Variants in AAMP observed in about 807,000 individuals in gnomAD.
The protein encoded by AAMP is angio associated migratory cell protein.
A neutral mutation model predicts 51.1 loss-of-function variants in AAMP; 12 were observed. That is an observed-to-expected ratio of 0.23 (90% CI 0.15 to 0.38). The LOEUF (loss-of-function observed/expected upper bound fraction) is 0.38, where lower values mean the gene tolerates loss of function less well. Ranked by LOEUF, AAMP falls within the 10% of genes least tolerant of loss-of-function variation. The pLI, the probability that AAMP is intolerant of heterozygous loss-of-function variation, is 1.00. For missense variants in AAMP, 418 were observed against 557.2 expected, an observed-to-expected ratio of 0.75 and a Z score of 2.52; for synonymous variants, 210 against 218.7, an observed-to-expected ratio of 0.96 and a Z score of 0.35.
chr2:218,265,746 T>C lies in AAMP; in HGVS notation c.880-64A>G. 10 of 1,577,764 alleles carry C rather than the reference T, an allele frequency of 6.3e-6. No homozygotes were observed. The highest frequency in any genetic ancestry group is 7.0e-6 in the Non-Finnish European group (8 of 1,150,496). ...GGGTGCTTGATGGAGAGAAAGACGG[T>C]GGGGAGAGGAGACAGTGAAGACCCA... is the stretch of plus-strand genomic sequence containing the variant. On this transcript the variant is annotated intron_variant, in intron 7 of 10. Transcript: ENST00000248450. The surrounding 1 kb of genome is among the most constrained non-coding windows in gnomAD (Gnocchi z 6.6).
At position 218,266,490 on chromosome 2, in the gene AAMP, A is replaced by C. The variant is rs1262411187; in HGVS notation, c.632T>G (p.Phe211Cys). ...GGTGGCTGGGCAGTTGGGACCCTGG[A>C]AGGTCTTGCAGTCACCATTCGGGAC... is the stretch of plus-strand genomic sequence containing the variant. ...WKVPNGDCKT[F>C]QGPNCPATCG... is the part of the protein sequence containing the mutation. Residue 211 changes from phenylalanine to cysteine, a missense_variant, in exon 5 of 11, where the codon TTC (phenylalanine) becomes TGC (cysteine). By Grantham distance (205) the Phe-to-Cys change is radical. Transcript: ENST00000248450. The surrounding 1 kb of genome is among the most constrained non-coding windows in gnomAD (Gnocchi z 4.7). 27 of 1,613,922 alleles carry C rather than the reference A, an allele frequency of 1.7e-5. No homozygotes were observed. The highest frequency in any genetic ancestry group is 2.0e-5 in the Non-Finnish European group (24 of 1,180,008).
rs1264146832 is a variant in AAMP, at chr2:218,265,302, C to T, written c.1074+69G>A. 4 of 1,534,970 alleles carry T rather than the reference C, an allele frequency of 2.6e-6. No individual in the cohort carries two copies. The Admixed American group carries it at 5.9e-5, about 22-fold the overall frequency. On this transcript the variant is annotated intron_variant, in intron 9 of 10. Coordinates refer to ENST00000248450, the MANE Select transcript of AAMP (RefSeq NM_001087.5). This position sits in a 1 kb window ranked among gnomAD's most constrained non-coding sequence, Gnocchi z 6.6. ...AGGAGCCAGATCTGGGGTAGATGCT[C>T]CTGGAGGCCTGGGCTTCCCCACCAC...
At position 218,267,330 on chromosome 2, in the gene AAMP, CA is replaced by C; in HGVS notation, c.394+163del. 1.8e-6 allele frequency: 2 copies of C among 1,114,598 alleles called. No individual in the cohort carries two copies. The highest frequency in any genetic ancestry group is 2.6e-6 in the Non-Finnish European group (2 of 777,180). 69.0% of individuals were successfully genotyped at this position (1,114,598 alleles called of 1,614,324 possible). A position where few individuals can be genotyped will look rare whatever the true frequency, so the allele number is the denominator to read the frequency against. On this transcript the variant is annotated intron_variant, in intron 3 of 10. Transcript: ENST00000248450. This position sits in a 1 kb window ranked among gnomAD's most constrained non-coding sequence, Gnocchi z 4.6. ...AATTAGTGCCTCCTGCCTCTGTGCCCAAAACACACTAGTATTCGCCCCGTGT... is the reference window on the plus strand; with the variant it reads ...AATTAGTGCCTCCTGCCTCTGTGCCCAAACACACTAGTATTCGCCCCGTGT...
At position 218,264,456 on chromosome 2, in the gene AAMP, A is replaced by G. The variant is rs1455735400; in HGVS notation, c.*77T>C. The G allele has an allele frequency of 7.2e-6, 10 of 1,390,794 alleles. No individual in the cohort carries two copies. In the East Asian group the frequency reaches 2.1e-4, roughly 29 times the overall value. 86.2% of individuals were successfully genotyped at this position (1,390,794 alleles called of 1,614,324 possible). ...CACCCTCCTCTTCCCTCTGTGCCCT[A>G]CTGCCTCTGCTGGCAGACAGGGGCA... On this transcript the variant is annotated 3_prime_UTR_variant, in exon 11 of 11. Coordinates refer to ENST00000248450, the MANE Select transcript of AAMP (RefSeq NM_001087.5).
At chr2:218,268,546 C>G (rs200919662) in intron 2 of AAMP, among the ~76,000 whole-genome samples, 2 of 150,358 alleles carry the variant, frequency 1.3e-5, no homozygotes, top group African/African-American at 4.9e-5. Context: ...TTCACCATGT[C>G]GGCCAGGCTG....
At chr2:218,269,660 G>T in intron 1 of AAMP, 126 bp from the exon 2 acceptor site, 1 of 1,487,682 alleles carries the variant, frequency 6.7e-7, no homozygotes, top group East Asian at 2.3e-5. Flanking sequence ...CAGACACACC[G>T]GGGTCCGCGG....
In AAMP at chr2:218,265,366, C is replaced by T; in HGVS notation, c.1074+5G>A. On this transcript the variant is annotated splice_donor_5th_base_variant and intron_variant, in intron 9 of 10. Coordinates refer to ENST00000248450, the MANE Select transcript of AAMP (RefSeq NM_001087.5). This position sits in a 1 kb window ranked among gnomAD's most constrained non-coding sequence, Gnocchi z 6.6. ...CACAGGGACCCCAGCTCCAGCTGCC[C>T]ATACCTGGTGCTGACACTGATGCCT... The T allele has an allele frequency of 6.4e-7, 1 of 1,554,846 alleles. No individual in the cohort carries two copies. The highest frequency in any genetic ancestry group is 8.7e-7 in the Non-Finnish European group (1 of 1,147,336).
chr2:218,267,004 C>A lies in AAMP; in HGVS notation c.395-18G>T. On this transcript the variant is annotated intron_variant, in intron 3 of 10. Transcript: ENST00000248450. The surrounding 1 kb of genome is among the most constrained non-coding windows in gnomAD (Gnocchi z 4.6). ...TTTATGGCCTTCAAAGAAAAGTGGG[C>A]AGAAAACAGAGGAAAAAAATAGGGT... is the stretch of plus-strand genomic sequence containing the variant. The A allele has an allele frequency of 1.2e-6, 2 of 1,610,308 alleles. No homozygotes were observed. Among genetic ancestry groups the A allele is most frequent in the Non-Finnish European group, 1.7e-6 (2 of 1,177,042 alleles).
In AAMP at chr2:218,266,512, G is replaced by A. The variant is rs538763340; in HGVS notation, c.610C>T (p.Pro204Ser). ...ADGNTWMWKVPNGDCKTFQGP... is the reference protein window; with the variant it reads ...ADGNTWMWKVSNGDCKTFQGP... ...TGGAAGGTCTTGCAGTCACCATTCG[G>A]GACTTTCCACATCCAGGTGTTGCCG... Residue 204 changes from proline (P) to serine (S), a missense_variant, in exon 5 of 11, where the codon CCG becomes TCG. Coordinates refer to ENST00000248450, the MANE Select transcript of AAMP (RefSeq NM_001087.5). This position sits in a 1 kb window ranked among gnomAD's most constrained non-coding sequence, Gnocchi z 4.7. The A allele has an allele frequency of 2.5e-6, 4 of 1,613,988 alleles. No individual in the cohort carries two copies. The highest frequency in any genetic ancestry group is 1.1e-5 in the South Asian group (1 of 91,076).
In AAMP at chr2:218,267,429, G is replaced by A; in HGVS notation, c.394+65C>T. 5 of 1,596,932 alleles carry A rather than the reference G, an allele frequency of 3.1e-6. No individual in the cohort carries two copies. The East Asian group carries it at 1.1e-4, about 36-fold the overall frequency. ...GCTGTTGGATGCACAACCTCTGCAG[G>A]TCAGCCTCCTAAGATCTCCCAAAAG... On this transcript the variant is annotated intron_variant, in intron 3 of 10. Coordinates refer to ENST00000248450, the MANE Select transcript of AAMP (RefSeq NM_001087.5). This position sits in a 1 kb window ranked among gnomAD's most constrained non-coding sequence, Gnocchi z 4.6.
chr2:218,269,550 G>A lies in AAMP; in HGVS notation c.122-16C>T. The A allele has an allele frequency of 1.9e-6, 3 of 1,614,156 alleles. No homozygotes were observed. Among genetic ancestry groups the A allele is most frequent in the Non-Finnish European group, 2.5e-6 (3 of 1,180,048 alleles). ...GCCAGGTCATCTGCTTTGGGGAGAG[G>A]GTTAGAAGATGGGGCTCGGGAGGCG... On this transcript the variant is annotated splice_polypyrimidine_tract_variant and intron_variant, in intron 1 of 10. Coordinates refer to ENST00000248450, the MANE Select transcript of AAMP (RefSeq NM_001087.5).
rs1250103441 is a variant in AAMP at position 218,268,951 on chromosome 2, C to G, written c.274+431G>C. Reference sequence around the variant, plus strand: ...CGACCTTGTGATCCGCCTGCCTGGGCCTCCTAAAGTGCTGGGATTACAGGC... The same window carrying G: ...CGACCTTGTGATCCGCCTGCCTGGGGCTCCTAAAGTGCTGGGATTACAGGC... On this transcript the variant is annotated intron_variant, in intron 2 of 10. Coordinates refer to ENST00000248450, the MANE Select transcript of AAMP (RefSeq NM_001087.5). Among the ~76,000 whole-genome samples, 5 of 152,066 alleles carry G rather than the reference C, an allele frequency of 3.3e-5. No individual in the cohort carries two copies. The East Asian group carries it at 9.7e-4, about 29-fold the overall frequency.
intron 2 of AAMP, among the ~76,000 whole-genome samples, chr2:218,268,694 CTTTTTT>C: frequency 9.1e-6 from 1 of 109,434 alleles, no homozygotes; most frequent in African/African-American, 3.1e-5. Context: ...TCAAAGATAA[CTTTTTT>C]TTTTTTTTTT....
rs779725259 is a variant in AAMP, at chr2:218,265,785, G to C, written c.879+46C>G. On this transcript the variant is annotated intron_variant, in intron 7 of 10. Coordinates refer to ENST00000248450, the MANE Select transcript of AAMP (RefSeq NM_001087.5). This position sits in a 1 kb window ranked among gnomAD's most constrained non-coding sequence, Gnocchi z 6.6. ...AGTGAAGACCCAGGAAGGAAGGAGA[G>C]GAGTCGGGAAAGCGGAGGCCCCAGC... is the stretch of plus-strand genomic sequence containing the variant. The C allele has an allele frequency of 1.1e-5, 17 of 1,585,964 alleles. No individual in the cohort carries two copies. In the South Asian group the frequency reaches 1.9e-4, roughly 18 times the overall value.
chr2:218,264,883 TG>T, intron 10 of AAMP, 136 bp downstream of exon 10: 1 of 1,399,926 alleles, frequency 7.1e-7, no homozygotes, highest in Non-Finnish European at 1.0e-6. Context: ...GAATGGGGGC[TG>T]GGCTGTGAAC....
intron 2 of AAMP, among the ~76,000 whole-genome samples, chr2:218,268,729 C>T (rs1282847968): frequency 4.9e-4 from 67 of 136,622 alleles, no homozygotes; most frequent in African/African-American, 1.7e-3. Context: ...GACAGACTCT[C>T]ATTCTGTTGC....
rs1296081637 is a variant in AAMP at position 218,267,899 on chromosome 2, G to T, written c.275-286C>A. Among the ~76,000 whole-genome samples, 9 of 152,218 alleles carry T rather than the reference G, an allele frequency of 5.9e-5. No homozygotes were observed. The highest frequency in any genetic ancestry group is 2.2e-4 in the African/African-American group (9 of 41,460). On this transcript the variant is annotated intron_variant, in intron 2 of 10. Transcript: ENST00000248450. The surrounding 1 kb of genome is among the most constrained non-coding windows in gnomAD (Gnocchi z 4.6). ...GGTGGGGACAGGTGCAGGGCTTACA[G>T]TTGTCAGCATGGGATGCCACCGGGG...
intron 1 of AAMP, 148 bp downstream of exon 1, chr2:218,269,818 A>G (rs1350658606): frequency 1.5e-6 from 2 of 1,296,582 alleles, no homozygotes; most frequent in Non-Finnish European, 2.2e-6. Context: ...CCTGAGAACT[A>G]AGTGTGAGGG....
In AAMP at chr2:218,266,021, T is replaced by A; in HGVS notation, c.763+43A>T. On this transcript the variant is annotated intron_variant, in intron 6 of 10. Transcript: ENST00000248450. This position sits in a 1 kb window ranked among gnomAD's most constrained non-coding sequence, Gnocchi z 4.7. ...AGTCCTGCCCCAGGTTCTCAGCCCC[T>A]CCCTACAAAGGCCCAGGCTAACACT... is the stretch of plus-strand genomic sequence containing the variant. The A allele has an allele frequency of 6.2e-7, 1 of 1,609,706 alleles. No homozygotes were observed. The highest frequency in any genetic ancestry group is 8.5e-7 in the Non-Finnish European group (1 of 1,176,134).
Sources: allele counts gnomAD v4.1 joint callset (sites outside exome capture counted in the v4.1 genomes callset), GRCh38; gene constraint gnomAD v4.1.1; non-coding constraint Gnocchi (gnomAD v3.1); transcripts MANE v1.5; gene names NCBI Gene and HGNC (gene_info 2026-07-23, HGNC 2026-07-21).